The following HYDIN variants were observed in gnomAD, a reference collection of about 807,000 sequenced individuals.
The protein encoded by HYDIN is HYDIN axonemal central pair apparatus protein, also known as axonemal central pair apparatus protein HYDIN.
A neutral mutation model predicts 403.9 loss-of-function variants in HYDIN; 132 were observed. The observed-to-expected ratio is 0.33, with a 90% confidence interval of 0.28 to 0.38. HYDIN has a LOEUF of 0.38. Among genes scored for constraint, HYDIN ranks in the 10% least tolerant of loss-of-function variants. The pLI is 1.00. For synonymous variants in HYDIN, 1,202 were observed against 1,891.7 expected (o/e 0.64, Z 9.46); for missense variants, 2,827 against 5,009.5 (o/e 0.56, Z 13.15).
chr16:71,031,111 A>C (rs2080891495), intron 19 of HYDIN, among the ~76,000 whole-genome samples: 2 of 148,914 alleles, frequency 1.3e-5, no homozygotes, highest in Non-Finnish European at 3.0e-5. Flanking sequence ...GAGGCAGGAG[A>C]ATGGCGTGAA....
At chr16:71,205,504 C>T (rs1040039343) in intron 1 of HYDIN, among the ~76,000 whole-genome samples, 6 of 152,216 alleles carry the variant, frequency 3.9e-5, no homozygotes, top group South Asian at 2.1e-4. Flanking sequence ...GGGGTAATTC[C>T]GAGTCCAAGG....
chr16:70,930,775 C>T (rs552203931), intron 45 of HYDIN, among the ~76,000 whole-genome samples: 1 of 152,120 alleles, frequency 6.6e-6, no homozygotes, highest in Admixed American at 6.5e-5. Flanking sequence ...CTTGATCCAA[C>T]CAAGCTTAAT....
intron 1 of HYDIN, among the ~76,000 whole-genome samples, chr16:71,190,908 G>T (rs1398418126): frequency 6.6e-6 from 1 of 151,964 alleles, no homozygotes; most frequent in African/African-American, 2.4e-5. Context: ...TCTAAATCCA[G>T]GATGTGAAAA....
At chr16:70,825,122 A>G (rs965533849) in intron 83 of HYDIN, among the ~76,000 whole-genome samples, 4 of 152,198 alleles carry the variant, frequency 2.6e-5, no homozygotes, top group Non-Finnish European at 4.4e-5. Flanking sequence ...TTTTGTCTGG[A>G]AAAAGAGTTC....
At chr16:71,175,845 G>T in intron 4 of HYDIN, 104 bp from the exon 5 acceptor site, 2 of 1,136,724 alleles carry the variant, frequency 1.8e-6, no homozygotes, top group Non-Finnish European at 2.6e-6. Flanking sequence ...CCTTGGTCAG[G>T]TCTGAACTTC....
At chr16:71,028,680 T>C (rs976454075) in intron 19 of HYDIN, among the ~76,000 whole-genome samples, 2 of 151,932 alleles carry the variant, frequency 1.3e-5, no homozygotes, top group African/African-American at 2.4e-5. Context: ...ATCCCATCTG[T>C]TCCTCCTTAG....
chr16:71,005,712 G>T (rs917454777), intron 23 of HYDIN, among the ~76,000 whole-genome samples: 1 of 151,170 alleles, frequency 6.6e-6, no homozygotes, highest in African/African-American at 2.4e-5. Context: ...CAGATGTGAG[G>T]GTTCCTTGGA....
rs563150697 is a variant in HYDIN at position 70,878,676 on chromosome 16, C to T, written c.10557+621G>A. ...GTTTTGTTTTGTTTTTTGGCTTCTG[C>T]ACCTTTGAAGCTTTCTCTCTATTTC... On this transcript the variant is annotated intron_variant, in intron 62 of 85. Coordinates refer to ENST00000393567, the MANE Select transcript of HYDIN (RefSeq NM_001270974.2). Among the ~76,000 whole-genome samples the T allele has an allele frequency of 7.6e-5, 11 of 145,618 alleles. 1 individual carries two copies. Among genetic ancestry groups the T allele is most frequent in the Non-Finnish European group, 1.0e-4 (7 of 68,020 alleles).
intron 54 of HYDIN, among the ~76,000 whole-genome samples, chr16:70,895,777 A>G (rs889782140): frequency 6.6e-6 from 1 of 151,810 alleles, no homozygotes; most frequent in African/African-American, 2.4e-5. Flanking sequence ...ACCTATGACC[A>G]CCCGCTTTCT....
At chr16:70,902,895 T>G (rs2076434935) in intron 52 of HYDIN, among the ~76,000 whole-genome samples, 1 of 145,316 alleles carries the variant, frequency 6.9e-6, no homozygotes, top group Non-Finnish European at 1.5e-5. Context: ...TTAGTTAGAC[T>G]GCTTGATGTT....
intron 5 of HYDIN, among the ~76,000 whole-genome samples, chr16:71,169,697 T>C (rs944629866): frequency 1.3e-5 from 2 of 152,040 alleles, no homozygotes; most frequent in Admixed American, 1.3e-4. Context: ...GGTCAGAGGG[T>C]ACAAAATTTC....
intron 18 of HYDIN, among the ~76,000 whole-genome samples, chr16:71,060,092 T>C (rs1231695176): frequency 6.6e-6 from 1 of 151,912 alleles, no homozygotes; most frequent in Non-Finnish European, 1.5e-5. Context: ...GCACTTCTAG[T>C]TAAAGAGACA....
chr16:71,226,379 T>C (rs2041033454), intron 1 of HYDIN, among the ~76,000 whole-genome samples: 2 of 152,172 alleles, frequency 1.3e-5, no homozygotes, highest in African/African-American at 4.8e-5. Flanking sequence ...ACATTCAGCC[T>C]TATGAAAAAA....
At chr16:71,036,320 T>C (rs954360815) in intron 18 of HYDIN, among the ~76,000 whole-genome samples, 1 of 152,216 alleles carries the variant, frequency 6.6e-6, no homozygotes, top group African/African-American at 2.4e-5. Flanking sequence ...CCCAAATTGA[T>C]GGCCTGTTAG....
intron 18 of HYDIN, among the ~76,000 whole-genome samples, chr16:71,048,185 C>T (rs553479928): frequency 5.3e-4 from 81 of 151,492 alleles, no homozygotes; most frequent in African/African-American, 1.8e-3. Flanking sequence ...TTTCTTTTTA[C>T]GCCTGAGTAG....
chr16:71,062,546 C>G (rs2082127617), intron 16 of HYDIN: 2 of 502,872 alleles, frequency 4.0e-6, no homozygotes, highest in South Asian at 6.1e-5. Context: ...GTGCCCAGCA[C>G]AGCAAGATGC....
At chr16:70,894,924 C>T (rs1257163541) in intron 54 of HYDIN, among the ~76,000 whole-genome samples, 5 of 152,140 alleles carry the variant, frequency 3.3e-5, no homozygotes, top group Admixed American at 1.3e-4. Context: ...TAATTAAAAA[C>T]TCCTCATAAG....
chr16:71,212,463 A>C (rs890042711), intron 1 of HYDIN, among the ~76,000 whole-genome samples: 3 of 152,162 alleles, frequency 2.0e-5, no homozygotes, highest in Non-Finnish European at 4.4e-5. Flanking sequence ...TTAGGTATGA[A>C]ATCGTTTAAA....
chr16:70,951,677 C>T lies in HYDIN; in HGVS notation c.6531+744G>A, dbSNP rs1387852483. Among the ~76,000 whole-genome samples the T allele has an allele frequency of 9.2e-5, 14 of 151,878 alleles. No homozygotes were observed. In the South Asian group the frequency reaches 2.5e-3, roughly 27 times the overall value. Reference sequence around the variant, plus strand: ...AGATCTCATTCCCTCTTGAGTGGATCGCCACATGACACTTCTCCAGGGGTT... The same window carrying T: ...AGATCTCATTCCCTCTTGAGTGGATTGCCACATGACACTTCTCCAGGGGTT... On this transcript the variant is annotated intron_variant, in intron 41 of 85. Coordinates refer to ENST00000393567, the MANE Select transcript of HYDIN (RefSeq NM_001270974.2).
Sources: allele counts gnomAD v4.1 joint callset (sites outside exome capture counted in the v4.1 genomes callset), GRCh38; gene constraint gnomAD v4.1.1; transcripts MANE v1.5; gene names NCBI Gene and HGNC (gene_info 2026-07-23, HGNC 2026-07-21).